ANTXR2: variants seen among roughly 807,000 people sequenced by gnomAD.
ANTXR2 encodes the protein anthrax toxin receptor 2.
In ANTXR2, 44 loss-of-function variants were observed where a neutral mutation model predicts 73.7. The observed-to-expected ratio is 0.60, with a 90% CI of 0.47 to 0.77. ANTXR2 has a LOEUF of 0.77. Ranked by LOEUF, ANTXR2 falls within the 30% of genes least tolerant of loss-of-function variation. The pLI is 0.00. For missense variants in ANTXR2, 604 were observed against 592.5 expected, an observed-to-expected ratio of 1.02 and a Z score of -0.20; for synonymous variants, 217 against 205.9, an observed-to-expected ratio of 1.05 and a Z score of -0.46.
At chr4:80,013,459 A>G (rs1731693504) in intron 11 of ANTXR2, among the ~76,000 whole-genome samples, 1 of 152,214 alleles carries the variant, frequency 6.6e-6, no homozygotes, top group South Asian at 2.1e-4. Context: ...ATGTTCCTGA[A>G]GCATACAGAG....
chr4:79,904,737 ATTC>A lies in ANTXR2; in HGVS notation c.*2689_*2691del, dbSNP rs1726838361. 6.6e-6 allele frequency: 1 copy of A among 152,152 alleles called. No homozygotes were observed. The highest frequency in any genetic ancestry group is 1.9e-4 in the East Asian group (1 of 5,188). The allele number at this position is 152,152 out of a possible 1,614,324, so 9.4% of individuals were successfully genotyped here. ...CACGAATGGATTATGTGCAAGACTT[ATTC>A]ATTTTTACACAGAAAGTAGATCTTG... On this transcript the variant is annotated 3_prime_UTR_variant, in exon 17 of 17. Coordinates refer to ENST00000403729, the MANE Select transcript of ANTXR2 (RefSeq NM_058172.6).
At chr4:80,046,015 T>C (rs1188660247) in intron 7 of ANTXR2, among the ~76,000 whole-genome samples, 1 of 151,736 alleles carries the variant, frequency 6.6e-6, no homozygotes, top group Non-Finnish European at 1.5e-5. Flanking sequence ...AGTTTCTAAA[T>C]ATGGATTCTC....
chr4:80,025,033 C>T (rs1462290237), intron 10 of ANTXR2, among the ~76,000 whole-genome samples: 2 of 152,068 alleles, frequency 1.3e-5, no homozygotes, highest in African/African-American at 4.8e-5. Context: ...TGCTTTGCTC[C>T]ATCATTAAAA....
intron 11 of ANTXR2, among the ~76,000 whole-genome samples, chr4:80,017,840 A>G (rs555393933): frequency 2.4e-4 from 37 of 151,952 alleles, no homozygotes; most frequent in African/African-American, 8.9e-4. Context: ...GAAATGGGAG[A>G]AAAAAAACCC....
At chr4:79,932,297 C>CT (rs1260183317) in intron 16 of ANTXR2, among the ~76,000 whole-genome samples, 15 of 148,186 alleles carry the variant, frequency 1.0e-4, no homozygotes, top group Admixed American at 2.7e-4. Flanking sequence ...TATTTTCTTT[C>CT]TTTTTTTTTT....
chr4:79,915,829 C>CCTCTCTCT (rs71596772), intron 16 of ANTXR2, among the ~76,000 whole-genome samples: 3 of 132,980 alleles, frequency 2.3e-5, no homozygotes, highest in African/African-American at 2.8e-5. Flanking sequence ...TGTCTCTCTC[C>CCTCTCTCT]CTCTCTCTCT....
intron 16 of ANTXR2, among the ~76,000 whole-genome samples, chr4:79,933,162 C>T (rs895690256): frequency 6.6e-6 from 1 of 151,994 alleles, no homozygotes; most frequent in Non-Finnish European, 1.5e-5. Flanking sequence ...TGGTAAGATG[C>T]CAGGTGACTG....
At chr4:79,979,500 G>A (rs1729792885) in intron 14 of ANTXR2, among the ~76,000 whole-genome samples, 2 of 152,104 alleles carry the variant, frequency 1.3e-5, no homozygotes, top group African/African-American at 4.8e-5. Context: ...GAACTATTCA[G>A]TCTTTTTGAT....
chr4:80,020,470 T>A (rs753570783), intron 10 of ANTXR2, among the ~76,000 whole-genome samples: 2 of 152,180 alleles, frequency 1.3e-5, no homozygotes, highest in Non-Finnish European at 2.9e-5. Flanking sequence ...AGAAATATTA[T>A]TCAGTTCTTA....
At chr4:79,933,068 A>C (rs1029304309) in intron 16 of ANTXR2, among the ~76,000 whole-genome samples, 5 of 152,190 alleles carry the variant, frequency 3.3e-5, no homozygotes, top group Non-Finnish European at 7.3e-5. Flanking sequence ...TTGCTGCATT[A>C]GTTATAATGG....
At chr4:79,920,207 G>T (rs190042683) in intron 16 of ANTXR2, among the ~76,000 whole-genome samples, 1 of 151,928 alleles carries the variant, frequency 6.6e-6, no homozygotes, top group African/African-American at 2.4e-5. Context: ...ACAAATCTAG[G>T]ACTCCTTAGA....
chr4:80,071,870 A>T (rs983624409), intron 1 of ANTXR2, among the ~76,000 whole-genome samples: 4 of 152,162 alleles, frequency 2.6e-5, no homozygotes, highest in African/African-American at 9.6e-5. Flanking sequence ...GAAGAAGAAG[A>T]AGTCAGCCCG....
chr4:79,912,673 G>A (rs1056363879), intron 16 of ANTXR2, among the ~76,000 whole-genome samples: 1 of 151,942 alleles, frequency 6.6e-6, no homozygotes, highest in African/African-American at 2.4e-5. Context: ...TTTCACTTTA[G>A]GAATCTAACC....
intron 16 of ANTXR2, among the ~76,000 whole-genome samples, chr4:79,944,616 C>T (rs1022375965): frequency 2.0e-5 from 3 of 152,046 alleles, no homozygotes. Context: ...CTATACTATG[C>T]TTGTCACAAT....
intron 16 of ANTXR2, among the ~76,000 whole-genome samples, chr4:79,926,941 A>ATG (rs1328452930): frequency 1.1e-3 from 62 of 56,038 alleles, no homozygotes; most frequent in East Asian, 8.8e-3. Context: ...ATGTGCATAT[A>ATG]TGTGTATATA....
At chr4:80,040,538 C>G (rs147518408) in intron 7 of ANTXR2, among the ~76,000 whole-genome samples, 59 of 152,082 alleles carry the variant, frequency 3.9e-4, no homozygotes, top group African/African-American at 6.3e-4. Flanking sequence ...TATATGCTGT[C>G]ATCATTATGT....
intron 16 of ANTXR2, among the ~76,000 whole-genome samples, chr4:79,933,001 T>A (rs1004545095): frequency 7.2e-5 from 11 of 152,084 alleles, no homozygotes; most frequent in African/African-American, 2.7e-4. Flanking sequence ...AAATTCTCCA[T>A]CATAAGCCTA....
chr4:80,036,013 G>A lies in ANTXR2; in HGVS notation c.656C>T (p.Thr219Ile). 1 of 1,526,156 alleles carries A rather than the reference G, an allele frequency of 6.6e-7. No homozygotes were observed. The highest frequency in any genetic ancestry group is 2.5e-5 in the East Asian group (1 of 40,410). 94.5% of individuals were successfully genotyped at this position (1,526,156 alleles called of 1,614,324 possible). The change falls in exon 8 of 17, where the codon ACT becomes ATT. Residue 219 changes from threonine (T) to isoleucine (I), a missense_variant. Thr to Ile is a moderately conservative substitution (Grantham distance 89, BLOSUM62 -1). Transcript: ENST00000403729. ...IINSILAQSC[T>I]EILELQPSSV... ...TGAGGGCTGCAATTCTAGGATTTCA[G>A]TACATGACTGAGCTAGTATCTAAAA...
At position 79,926,955 on chromosome 4, in the gene ANTXR2, G is replaced by GTGCATATATGTGTATATATATACACA. The variant is rs1470173608; in HGVS notation, c.1429-19489_1429-19488insTGTGTATATATATACACATATATGCA. Reference sequence around the variant, plus strand: ...CATGTGCATATATGTGTATATATACGTGTGCATATATGTGTATATATACGT... The same window carrying GTGCATATATGTGTATATATATACACA: ...CATGTGCATATATGTGTATATATACGTGCATATATGTGTATATATATACACATGTGCATATATGTGTATATATACGT... On this transcript the variant is annotated intron_variant, in intron 16 of 16. Transcript: ENST00000403729. 3.8e-4 allele frequency among the ~76,000 whole-genome samples: 31 copies of GTGCATATATGTGTATATATATACACA among 80,872 alleles called. 1 individual carries two copies. The highest frequency in any genetic ancestry group is 7.9e-4 in the South Asian group (2 of 2,524). The allele number at this position is 80,872 out of a possible 152,430, so 53.1% of individuals were successfully genotyped here. A position where few individuals can be genotyped will look rare whatever the true frequency, so the allele number is the denominator to read the frequency against.
Sources: allele counts gnomAD v4.1 joint callset (sites outside exome capture counted in the v4.1 genomes callset), GRCh38; gene constraint gnomAD v4.1.1; transcripts MANE v1.5; gene names NCBI Gene and HGNC (gene_info 2026-07-23, HGNC 2026-07-21).